THRA: variants seen among roughly 807,000 people sequenced by gnomAD.
The protein encoded by THRA is EAR-7.
A neutral mutation model predicts 45.0 loss-of-function variants in THRA; 13 were observed. The observed-to-expected ratio is 0.29, with a 90% CI of 0.19 to 0.46. The LOEUF (loss-of-function observed/expected upper bound fraction) is 0.46. Ranked by LOEUF, THRA falls within the 20% of genes least tolerant of loss-of-function variation. The pLI is 1.00. For missense variants in THRA, 278 were observed against 556.1 expected (o/e 0.50, Z 5.03); for synonymous variants, 195 against 214.0 (o/e 0.91, Z 0.78).
chr17:40,086,661 C>A (rs759682325), intron 6 of THRA, 46 bp from the exon 7 acceptor site: 1 of 1,599,564 alleles, frequency 6.3e-7, no homozygotes, highest in South Asian at 1.1e-5. Context: ...CAGTGAGAGG[C>A]TGAAAGGGGT....
chr17:40,093,670 G>A (rs1443501478), downstream of THRA: 2 of 634,302 alleles, frequency 3.2e-6, no homozygotes, highest in Non-Finnish European at 5.4e-6. This position sits in a 1 kb window ranked among gnomAD's most constrained non-coding sequence, Gnocchi z 5.9. Context: ...TCCTTCCCCA[G>A]CTCCCCCAGG....
rs8075021 is a variant in THRA at position 40,084,508 on chromosome 17, C to T, written c.371-102C>T. 3.6e-4 allele frequency: 490 copies of T among 1,348,550 alleles called. 1 individual carries two copies. The African/African-American group carries it at 6.1e-3, about 17-fold the overall frequency. The allele number at this position is 1,348,550 out of a possible 1,614,324, so 83.5% of individuals were successfully genotyped here. ...GAAGTCATTTAGCCTCCATGGCCCT[C>T]GGTTTCTCCAACCTGTACTCTAGGA... On this transcript the variant is annotated intron_variant, in intron 5 of 8. Transcript: ENST00000450525.
intron 1 of THRA, among the ~76,000 whole-genome samples, chr17:40,063,683 G>T (rs1248024090): frequency 1.3e-5 from 2 of 152,312 alleles, no homozygotes; most frequent in Non-Finnish European, 2.9e-5. Context: ...CGGTTGTTGG[G>T]GGGGAATGTG....
At chr17:40,077,033 G>A in intron 3 of THRA, 95 bp downstream of exon 3, 2 of 1,305,796 alleles carry the variant, frequency 1.5e-6, no homozygotes, top group South Asian at 1.3e-5. Context: ...AGTAATTCAT[G>A]TGTTCCCTGG....
intron 4 of THRA, among the ~76,000 whole-genome samples, chr17:40,078,438 G>A (rs957799034): frequency 6.6e-6 from 1 of 152,186 alleles, no homozygotes. Context: ...CGGTGGTGGC[G>A]CCACTGCACT....
At chr17:40,070,611 C>T (rs947992631) in intron 1 of THRA, among the ~76,000 whole-genome samples, 2 of 152,172 alleles carry the variant, frequency 1.3e-5, no homozygotes, top group East Asian at 1.9e-4. Context: ...GTGGCCGCCC[C>T]GGCCCCTCAG....
chr17:40,075,276 C>T (rs530079828), intron 2 of THRA, among the ~76,000 whole-genome samples: 1 of 146,764 alleles, frequency 6.8e-6, no homozygotes, highest in South Asian at 2.2e-4. Flanking sequence ...GAGCTGGGTA[C>T]AGCCTGTGCC....
intron 2 of THRA, among the ~76,000 whole-genome samples, chr17:40,076,091 T>C (rs988486653): frequency 1.3e-5 from 2 of 152,202 alleles, no homozygotes; most frequent in African/African-American, 4.8e-5. Context: ...TGGCAACATA[T>C]ATGTGCAGTG....
downstream of THRA, chr17:40,093,462 C>T (rs1294152632): frequency 1.3e-6 from 2 of 1,500,882 alleles, no homozygotes; most frequent in African/African-American, 2.8e-5. This position sits in a 1 kb window ranked among gnomAD's most constrained non-coding sequence, Gnocchi z 5.9. Context: ...CAGGAGGTGC[C>T]TGAAAGCTGG....
intron 1 of THRA, among the ~76,000 whole-genome samples, chr17:40,064,146 A>G (rs1986467459): frequency 6.6e-6 from 1 of 152,162 alleles, no homozygotes; most frequent in Admixed American, 6.5e-5. Context: ...ACATGGGGAC[A>G]AGGGAAGAGA....
intron 1 of THRA, among the ~76,000 whole-genome samples, chr17:40,072,632 G>A (rs888507662): frequency 1.3e-5 from 2 of 152,206 alleles, no homozygotes; most frequent in South Asian, 4.1e-4. Flanking sequence ...CTCGCTGGAC[G>A]TGGAGTCAGA....
At chr17:40,076,782 A>G in intron 2 of THRA, 89 bp from the exon 3 acceptor site, 1 of 1,355,546 alleles carries the variant, frequency 7.4e-7, no homozygotes. Context: ...GGAAAGAATC[A>G]GGCCTTGGGG....
chr17:40,085,478 C>A (rs1231345428), intron 6 of THRA, among the ~76,000 whole-genome samples: 1 of 151,722 alleles, frequency 6.6e-6, no homozygotes, highest in Non-Finnish European at 1.5e-5. Flanking sequence ...GGATTACAGG[C>A]ACTGGCCACC....
At chr17:40,070,302 CT>C (rs957679654) in intron 1 of THRA, among the ~76,000 whole-genome samples, 4 of 152,198 alleles carry the variant, frequency 2.6e-5, no homozygotes, top group South Asian at 2.1e-4. Context: ...TCCTTCCCGC[CT>C]TCACTCCTCC....
intron 1 of THRA, chr17:40,069,145 C>T (rs1337041552): frequency 1.4e-5 from 2 of 146,746 alleles, no homozygotes; most frequent in South Asian, 2.2e-4. Flanking sequence ...CTCTCTCTCC[C>T]CCTCCCCCTC....
At chr17:40,068,392 A>C (rs1986648199) in intron 1 of THRA, among the ~76,000 whole-genome samples, 2 of 152,220 alleles carry the variant, frequency 1.3e-5, no homozygotes, top group African/African-American at 4.8e-5. Context: ...GGGCATACAC[A>C]TGCTGCCTGG....
rs920725279 is a variant in THRA at position 40,082,758 on chromosome 17, C to CTTTT, written c.223-1054_223-1051dup. Among the ~76,000 whole-genome samples, 19 of 67,514 alleles carry CTTTT rather than the reference C, an allele frequency of 2.8e-4. 3 individuals are homozygous for CTTTT. The highest frequency in any genetic ancestry group is 7.6e-4 in the East Asian group (2 of 2,634). The allele number at this position is 67,514 out of a possible 152,430, so 44.3% of individuals were successfully genotyped here. A position where few individuals can be genotyped will look rare whatever the true frequency, so the allele number is the denominator to read the frequency against. On this transcript the variant is annotated intron_variant, in intron 4 of 8. Transcript: ENST00000450525. ...AACTGCTACACTATAGAATCGCATG[C>CTTTT]TTTTTTTTTTTTTTTTTTTTTTTTT...
intron 1 of THRA, among the ~76,000 whole-genome samples, chr17:40,070,318 C>T (rs1389794596): frequency 6.6e-6 from 1 of 152,212 alleles, no homozygotes; most frequent in Non-Finnish European, 1.5e-5. Flanking sequence ...TCCTCCTCTC[C>T]TTCCTGGCAC....
chr17:40,076,955 G>A lies in THRA; in HGVS notation c.121+17G>A, dbSNP rs369146770. ...GCATGTCAGGTGAGGCTGGCTGTGC[G>A]TGCCCCTTCTCCACGTCCCCAACCC... On this transcript the variant is annotated intron_variant, in intron 3 of 8. Coordinates refer to ENST00000450525, the MANE Select transcript of THRA (RefSeq NM_199334.5). 38 of 1,613,144 alleles carry A rather than the reference G, an allele frequency of 2.4e-5. No individual in the cohort carries two copies. Among genetic ancestry groups the A allele is most frequent in the African/African-American group, 1.5e-4 (11 of 74,880 alleles).
Sources: allele counts gnomAD v4.1 joint callset (sites outside exome capture counted in the v4.1 genomes callset), GRCh38; gene constraint gnomAD v4.1.1; non-coding constraint Gnocchi (gnomAD v3.1); transcripts MANE v1.5; gene names NCBI Gene and HGNC (gene_info 2026-07-23, HGNC 2026-07-21).